NRCAM: variants seen among roughly 807,000 people sequenced by gnomAD.
NRCAM encodes neuronal cell adhesion molecule, also known as NgCAM-related cell adhesion molecule.
NRCAM carries 83 observed loss-of-function variants against 156.5 expected under a neutral mutation model. The ratio of observed to expected loss-of-function variants is 0.53; its 90% CI spans 0.44 to 0.64. NRCAM has a LOEUF of 0.64. Among genes scored for constraint, NRCAM ranks in the 30% least tolerant of loss-of-function variants. The pLI is 0.00. For synonymous variants in NRCAM, 538 were observed against 563.9 expected, an observed-to-expected ratio of 0.95 and a Z score of 0.65; for missense variants, 1,417 against 1,597.3, an observed-to-expected ratio of 0.89 and a Z score of 1.92.
At position 108,189,695 on chromosome 7, in the gene NRCAM, CT is replaced by C; in HGVS notation, c.1984del (p.Ser662ValfsTer48). ...GCCTGGGGTCCATGACAGCTGAACA[CT>C]TTTGTCAAGTTGATCTGTCAGTTCT... ...DLELTDQLDKSVQLSWTPGDD... is the reference protein window; with the variant it reads ...DLELTDQLDKXVQLSWTPGDD... On this transcript the variant is annotated frameshift_variant, in exon 20 of 33. Transcript: ENST00000379028. LOFTEE classifies it high-confidence loss of function. 6.4e-7 allele frequency: 1 copy of C among 1,565,486 alleles called. No homozygotes were observed. Among genetic ancestry groups the C allele is most frequent in the Non-Finnish European group, 8.8e-7 (1 of 1,138,152 alleles).
intron 3 of NRCAM, among the ~76,000 whole-genome samples, chr7:108,260,308 C>T (rs1356521566): frequency 6.6e-6 from 1 of 152,198 alleles, no homozygotes; most frequent in Non-Finnish European, 1.5e-5. Context: ...CATCTCTGTA[C>T]TCACAGTGCC....
chr7:108,225,571 G>A, intron 10 of NRCAM, 74 bp downstream of exon 10: 1 of 865,634 alleles, frequency 1.2e-6, no homozygotes, highest in Non-Finnish European at 2.0e-6. Context: ...AGGTTAAATA[G>A]TCATGGAGGT....
chr7:108,222,956 A>G (rs1588965456), intron 11 of NRCAM, among the ~76,000 whole-genome samples: 1 of 152,222 alleles, frequency 6.6e-6, no homozygotes, highest in East Asian at 1.9e-4. Flanking sequence ...AAGGCGCGTC[A>G]GTTCTGGGGT....
chr7:108,343,343 C>A (rs1439757814), intron 2 of NRCAM, among the ~76,000 whole-genome samples: 1 of 152,152 alleles, frequency 6.6e-6, no homozygotes. Flanking sequence ...GAGGGAACAC[C>A]TATCAAACAT....
At chr7:108,153,784 T>C (rs1320461733) in intron 32 of NRCAM, among the ~76,000 whole-genome samples, 1 of 152,142 alleles carries the variant, frequency 6.6e-6, no homozygotes, top group Non-Finnish European at 1.5e-5. Context: ...CTTATGTTCT[T>C]GCAAAAAATT....
chr7:108,281,070 T>C (rs968471286), intron 3 of NRCAM, among the ~76,000 whole-genome samples: 1 of 152,178 alleles, frequency 6.6e-6, no homozygotes, highest in Admixed American at 6.5e-5. Flanking sequence ...TTACTTCATA[T>C]AACAGCTTAA....
intron 3 of NRCAM, among the ~76,000 whole-genome samples, chr7:108,276,695 C>A (rs536697624): frequency 1.3e-5 from 2 of 152,024 alleles, no homozygotes; most frequent in African/African-American, 4.8e-5. Context: ...ATCTAATTTG[C>A]CAGTCTGTGT....
At chr7:108,385,057 G>C (rs771376921) in intron 2 of NRCAM, among the ~76,000 whole-genome samples, 7 of 152,180 alleles carry the variant, frequency 4.6e-5, no homozygotes, top group Non-Finnish European at 7.3e-5. Context: ...GGCAGAACTA[G>C]ACTCAAAATC....
At chr7:108,282,976 C>T (rs1161600105) in intron 3 of NRCAM, among the ~76,000 whole-genome samples, 1 of 152,216 alleles carries the variant, frequency 6.6e-6, no homozygotes, top group Non-Finnish European at 1.5e-5. Flanking sequence ...ATTTCTAAAA[C>T]TCCCTAGATG....
rs1270777439 is a variant in NRCAM at position 108,155,101 on chromosome 7, T to TATATATATACAC, written c.3677+4361_3677+4362insGTGTATATATAT. On this transcript the variant is annotated intron_variant, in intron 32 of 32. Coordinates refer to ENST00000379028, the MANE Select transcript of NRCAM (RefSeq NM_001037132.4). ...GATTTAAAAGTCATATATATATATA[T>TATATATATACAC]ACACACACACACACACACACACACA... 4.5e-3 allele frequency among the ~76,000 whole-genome samples: 548 copies of TATATATATACAC among 122,984 alleles called. 9 individuals carry two copies. The highest frequency in any genetic ancestry group is 0.018 in the African/African-American group (515 of 28,182). 80.7% of individuals were successfully genotyped at this position (122,984 alleles called of 152,430 possible).
At chr7:108,176,671 T>C (rs970778809) in intron 26 of NRCAM, 65 bp from the exon 27 acceptor site, 1 of 1,222,166 alleles carries the variant, frequency 8.2e-7, no homozygotes, top group East Asian at 2.4e-5. Flanking sequence ...CTATTATAAA[T>C]AAATACGTCA....
chr7:108,233,088 G>T (rs1168580947), intron 6 of NRCAM, among the ~76,000 whole-genome samples: 2 of 152,160 alleles, frequency 1.3e-5, no homozygotes, highest in African/African-American at 4.8e-5. Context: ...AACATTTTGG[G>T]AATTTTTAAT....
At chr7:108,211,913 C>T (rs992934683) in intron 11 of NRCAM, among the ~76,000 whole-genome samples, 1 of 152,212 alleles carries the variant, frequency 6.6e-6, no homozygotes, top group African/African-American at 2.4e-5. Flanking sequence ...CTGATACTCT[C>T]TGGAAAGCAC....
intron 1 of NRCAM, among the ~76,000 whole-genome samples, chr7:108,401,695 A>C (rs1285374338): frequency 6.6e-6 from 1 of 152,216 alleles, no homozygotes. Context: ...AGGGAACTGA[A>C]GCCAAGAGAG....
At chr7:108,197,761 G>T (rs1309755580) in intron 14 of NRCAM, among the ~76,000 whole-genome samples, 195 bp downstream of exon 14, 6 of 152,168 alleles carry the variant, frequency 3.9e-5, no homozygotes, top group East Asian at 1.9e-4. Context: ...ATTTGCCATT[G>T]TAAAAACTGT....
At chr7:108,443,572 C>T (rs1388048457) in intron 1 of NRCAM, among the ~76,000 whole-genome samples, 2 of 152,164 alleles carry the variant, frequency 1.3e-5, no homozygotes, top group African/African-American at 4.8e-5. Flanking sequence ...GCAACTGTAA[C>T]ATTTTTCATG....
At chr7:108,404,931 T>A (rs1461549042) in intron 1 of NRCAM, among the ~76,000 whole-genome samples, 1 of 152,196 alleles carries the variant, frequency 6.6e-6, no homozygotes, top group Non-Finnish European at 1.5e-5. Flanking sequence ...GGAAATCTTG[T>A]GAGGAGACAT....
intron 32 of NRCAM, chr7:108,150,653 T>C (rs758113853): frequency 5.9e-6 from 3 of 509,672 alleles, no homozygotes; most frequent in South Asian, 4.5e-5. Flanking sequence ...TTTCAAATAA[T>C]TTTGTTATCA....
chr7:108,351,353 A>C (rs1211856354), intron 2 of NRCAM, among the ~76,000 whole-genome samples: 2 of 152,220 alleles, frequency 1.3e-5, no homozygotes, highest in African/African-American at 4.8e-5. Flanking sequence ...ATAGCAACAC[A>C]AAATGGTCTA....
Sources: gnomAD v4.1 joint callset for allele counts (sites outside exome capture counted in the v4.1 genomes callset) on GRCh38, gnomAD v4.1.1 for gene constraint, MANE v1.5 for transcripts, NCBI Gene and HGNC (gene_info 2026-07-23, HGNC 2026-07-21) for gene names.